The following UBE3D variants were observed in gnomAD, a reference collection of about 807,000 sequenced individuals.
UBE3D encodes E3 ubiquitin-protein ligase E3D.
A neutral mutation model predicts 49.6 loss-of-function variants in UBE3D; 48 were observed. The ratio of observed to expected loss-of-function variants is 0.97; its 90% CI spans 0.77 to 1.23. The LOEUF is 1.23. Ranked by LOEUF, UBE3D falls within the 50% of genes most tolerant of loss-of-function variation. UBE3D has a pLI of 0.00. For missense variants in UBE3D, 452 were observed against 468.4 expected, an observed-to-expected ratio of 0.96 and a Z score of 0.32; for synonymous variants, 189 against 174.2, an observed-to-expected ratio of 1.08 and a Z score of -0.67.
chr6:82,976,042 G>A (rs1777694016), intron 8 of UBE3D, among the ~76,000 whole-genome samples: 2 of 152,134 alleles, frequency 1.3e-5, no homozygotes, highest in South Asian at 2.1e-4. Flanking sequence ...CAGGAAAAAA[G>A]CTCACATCCA....
chr6:82,974,340 G>A (rs1474820341), intron 8 of UBE3D, among the ~76,000 whole-genome samples: 2 of 152,038 alleles, frequency 1.3e-5, no homozygotes, highest in Admixed American at 6.6e-5. Context: ...CGTATCCATA[G>A]GGGATTGGTT....
At chr6:82,941,177 T>C (rs1472785248) in intron 9 of UBE3D, among the ~76,000 whole-genome samples, 5 of 152,104 alleles carry the variant, frequency 3.3e-5, no homozygotes, top group African/African-American at 1.2e-4. Context: ...CTGGACTCTA[T>C]CCTGGGTGAC....
chr6:82,910,317 A>G (rs1171034064), intron 9 of UBE3D, among the ~76,000 whole-genome samples: 1 of 152,222 alleles, frequency 6.6e-6, no homozygotes, highest in African/African-American at 2.4e-5. Flanking sequence ...GGTTTTCAGT[A>G]AATATTTGTT....
chr6:82,995,298 G>A (rs2770675), intron 8 of UBE3D, among the ~76,000 whole-genome samples: 102,004 of 151,876 alleles, frequency 0.67, 35,140 homozygotes, highest in East Asian at 0.82. Context: ...AAATGATTGC[G>A]GTAAAAGCAT....
At chr6:83,001,481 G>A (rs961545888) in intron 8 of UBE3D, among the ~76,000 whole-genome samples, 2 of 152,158 alleles carry the variant, frequency 1.3e-5, no homozygotes, top group Admixed American at 1.3e-4. Context: ...CATTGAAAAT[G>A]CCTTATCCCT....
chr6:82,951,000 TAAA>T (rs1264696526), intron 9 of UBE3D, among the ~76,000 whole-genome samples: 1 of 125,238 alleles, frequency 8.0e-6, no homozygotes. Flanking sequence ...GACTAATGGA[TAAA>T]AAAAAAAAAA....
chr6:83,036,783 C>G (rs557960208), intron 5 of UBE3D: 1 of 150,498 alleles, frequency 6.6e-6, no homozygotes, highest in East Asian at 2.0e-4. Flanking sequence ...AGTGCAGTGG[C>G]TATTCATAGG....
At chr6:82,899,520 CTA>C (rs1452136719) in intron 9 of UBE3D, among the ~76,000 whole-genome samples, 2 of 152,090 alleles carry the variant, frequency 1.3e-5, no homozygotes, top group Non-Finnish European at 2.9e-5. Flanking sequence ...CTGAGCCTTG[CTA>C]TGTCTTCTAG....
At chr6:83,018,429 TAG>T (rs2127768422) in intron 8 of UBE3D, 1 of 152,456 alleles carries the variant, frequency 6.6e-6, no homozygotes, top group South Asian at 2.1e-4. Flanking sequence ...CATTTTTCAC[TAG>T]AGTGATTTAC....
chr6:83,018,092 G>C (rs950148977), intron 8 of UBE3D: 2 of 151,994 alleles, frequency 1.3e-5, no homozygotes, highest in African/African-American at 4.8e-5. Context: ...TTTTATGACT[G>C]GTACTACTTG....
intron 9 of UBE3D, chr6:82,932,675 T>C (rs900227603): frequency 6.6e-6 from 1 of 152,232 alleles, no homozygotes; most frequent in African/African-American, 2.4e-5. Flanking sequence ...CTTATGTTTT[T>C]TCCCTATTTA....
chr6:82,996,184 G>A (rs999665072), intron 8 of UBE3D, among the ~76,000 whole-genome samples: 2 of 152,140 alleles, frequency 1.3e-5, no homozygotes, highest in Non-Finnish European at 2.9e-5. Flanking sequence ...TATAAGGTGA[G>A]TCTGGAGTAT....
chr6:82,977,138 A>AAAAAAAGAAGGT (rs1562143123), intron 8 of UBE3D, among the ~76,000 whole-genome samples: 1 of 150,604 alleles, frequency 6.6e-6, no homozygotes, highest in African/African-American at 2.4e-5. Context: ...AAAAAAAAAA[A>AAAAAAAGAAGGT]AAAGAAGGTA....
intron 1 of UBE3D, among the ~76,000 whole-genome samples, chr6:83,059,426 C>T (rs1784023767): frequency 1.3e-5 from 2 of 152,296 alleles, no homozygotes; most frequent in Admixed American, 1.3e-4. Flanking sequence ...TCTTAGCTCA[C>T]AGGCTGTACC....
chr6:83,022,636 A>AGTG, intron 6 of UBE3D, 75 bp from the exon 7 acceptor site: 1 of 1,031,214 alleles, frequency 9.7e-7, no homozygotes, highest in Non-Finnish European at 1.4e-6. Flanking sequence ...CAAAAAATAC[A>AGTG]CACACGGTAC....
At chr6:82,914,049 C>T (rs759158926) in intron 9 of UBE3D, among the ~76,000 whole-genome samples, 1 of 152,334 alleles carries the variant, frequency 6.6e-6, no homozygotes, top group South Asian at 2.1e-4. Context: ...AAATGTCTTA[C>T]ATGACTTGCT....
At chr6:83,030,837 A>G (rs1316606351) in intron 5 of UBE3D, among the ~76,000 whole-genome samples, 1 of 152,152 alleles carries the variant, frequency 6.6e-6, no homozygotes, top group Non-Finnish European at 1.5e-5. Context: ...TATGGAAAAT[A>G]AAGTCCAGGG....
downstream of UBE3D, among the ~76,000 whole-genome samples, chr6:82,889,094 C>G (rs13207149): frequency 0.1 from 15,240 of 152,164 alleles, 1,066 homozygotes; most frequent in Non-Finnish European, 0.15. Context: ...GTGTAGAACT[C>G]TTAAATAAGC....
rs111614307 is a variant in UBE3D at position 83,006,372 on chromosome 6, A to T, written c.1010+12601T>A. ...TCCTGTATTTGGAGATAGGACCCCA[A>T]TGTCCCTGTATTTGGAGATAGGAGG... On this transcript the variant is annotated intron_variant, in intron 8 of 9. Coordinates refer to ENST00000369747, the MANE Select transcript of UBE3D (RefSeq NM_198920.3). 9.9e-3 allele frequency among the ~76,000 whole-genome samples: 1,504 copies of T among 152,272 alleles called. 24 individuals are homozygous for T. The highest frequency in any genetic ancestry group is 0.034 in the African/African-American group (1,428 of 41,544).
Sources: allele counts gnomAD v4.1 joint callset (sites outside exome capture counted in the v4.1 genomes callset), GRCh38; gene constraint gnomAD v4.1.1; transcripts MANE v1.5; gene names NCBI Gene and HGNC (gene_info 2026-07-23, HGNC 2026-07-21).